The following PLIN1 variants were observed in gnomAD, a reference collection of about 807,000 sequenced individuals.
PLIN1 encodes the protein perilipin 1.
PLIN1 carries 37 observed loss-of-function variants against 45.8 expected under a neutral mutation model. The observed-to-expected ratio is 0.81, with a 90% CI of 0.62 to 1.06. The LOEUF (loss-of-function observed/expected upper bound fraction) is 1.06, where lower values mean the gene tolerates loss of function less well. PLIN1 is among the 50% of genes least tolerant of loss of function. The pLI is 0.00. For missense variants in PLIN1, 776 were observed against 716.5 expected, an observed-to-expected ratio of 1.08 and a Z score of -0.95; for synonymous variants, 340 against 309.2, an observed-to-expected ratio of 1.10 and a Z score of -1.05.
intron 1 of PLIN1, among the ~76,000 whole-genome samples, chr15:89,678,885 G>T (rs1481562660): frequency 1.3e-5 from 2 of 152,044 alleles, no homozygotes; most frequent in Non-Finnish European, 2.9e-5. Flanking sequence ...TCAATCTGTT[G>T]CCCAGGATGG....
intron 2 of PLIN1, chr15:89,677,049 G>T: frequency 3.5e-6 from 1 of 282,094 alleles, no homozygotes. Flanking sequence ...TCCGACAGGT[G>T]ACATTTGCCG....
chr15:89,676,877 T>G lies in PLIN1; in HGVS notation c.45+568A>C, dbSNP rs142591576. 7.0e-3 allele frequency: 1,113 copies of G among 159,192 alleles called. 14 individuals are homozygous for G. Among genetic ancestry groups the G allele is most frequent in the African/African-American group, 0.026 (1,064 of 41,686 alleles). The allele number at this position is 159,192 out of a possible 1,614,324, so 9.9% of individuals were successfully genotyped here. On this transcript the variant is annotated intron_variant, in intron 2 of 8. Transcript: ENST00000300055. The stretch of plus-strand genomic sequence containing the variant: ...AATTTTTAAGTTTCACTATCCGAAC[T>G]GTGCCCAAATCTGAGATGCCTTGCC...
intron 4 of PLIN1, 89 bp downstream of exon 4, chr15:89,671,392 AG>A: frequency 1.1e-6 from 1 of 934,928 alleles, no homozygotes; most frequent in Non-Finnish European, 1.7e-6. Flanking sequence ...ACAGACTTCC[AG>A]TCACGGCATC....
chr15:89,671,525 T>A lies in PLIN1; in HGVS notation c.290A>T (p.His97Leu). 1 of 1,576,710 alleles carries A rather than the reference T, an allele frequency of 6.3e-7. No homozygotes were observed. The change falls in exon 4 of 9, where the codon CAC (histidine) becomes CTC (leucine). Residue 97 changes from histidine to leucine, a missense_variant. Physicochemically the swap from His to Leu is moderately conservative, Grantham distance 99. Coordinates refer to ENST00000300055, the MANE Select transcript of PLIN1 (RefSeq NM_002666.5). ...GAGGGCGGGGATCTTTTCCTCCAGGTGGTCCAAGCCTCGGCAGGCCAGCTC... is the reference window on the plus strand; with the variant it reads ...GAGGGCGGGGATCTTTTCCTCCAGGAGGTCCAAGCCTCGGCAGGCCAGCTC... ...ANELACRGLD[H>L]LEEKIPALQY...
Position 89,667,008 on chromosome 15 carries a change from C to T in PLIN1, c.1137G>A (p.Arg379=), listed in dbSNP as rs1171644791. 3.1e-6 allele frequency: 5 copies of T among 1,614,114 alleles called. No homozygotes were observed. The change falls in exon 8 of 9, where the codon AGG becomes AGA. Residue 379 remains arginine, a synonymous_variant. Coordinates refer to ENST00000300055, the MANE Select transcript of PLIN1 (RefSeq NM_002666.5). ...PAPAVSSTKG[R]AMSLSDALKG... ...TCAGGGCATCTGATAGGGACATGGC[C>T]CTCCCCTTGGTTGAGGAGACAGCAG...
Position 89,677,059 on chromosome 15 carries a change from G to A in PLIN1, c.45+386C>T, listed in dbSNP as rs576207624. On this transcript the variant is annotated intron_variant, in intron 2 of 8. Coordinates refer to ENST00000300055, the MANE Select transcript of PLIN1 (RefSeq NM_002666.5). ...CTAACTCCGACAGGTGACATTTGCC[G>A]TTATGAATGATGCTGGAGACACAGA... The A allele has an allele frequency of 1.3e-4, 38 of 292,804 alleles. 1 individual carries two copies. The highest frequency in any genetic ancestry group is 2.8e-4 in the South Asian group (7 of 24,708). 18.1% of individuals were successfully genotyped at this position (292,804 alleles called of 1,614,324 possible). A position where few individuals can be genotyped will look rare whatever the true frequency, so the allele number is the denominator to read the frequency against.
chr15:89,666,312 C>G (rs1204084393), intron 8 of PLIN1, among the ~76,000 whole-genome samples: 1 of 151,890 alleles, frequency 6.6e-6, no homozygotes, highest in African/African-American at 2.4e-5. Flanking sequence ...GCAGGATGAA[C>G]AGGCGGGCTG....
At chr15:89,677,739 T>A (rs190340427) in intron 1 of PLIN1, 6 of 555,122 alleles carry the variant, frequency 1.1e-5, no homozygotes, top group African/African-American at 9.4e-5. Context: ...TCTTTCTTTT[T>A]CTTTTCTTTC....
intron 5 of PLIN1, 120 bp downstream of exon 5, chr15:89,669,860 C>A: frequency 1.8e-6 from 2 of 1,130,164 alleles, no homozygotes; most frequent in Non-Finnish European, 2.5e-6. Flanking sequence ...ATGAATCCAT[C>A]TGAAAATCCC....
chr15:89,671,519 T>C lies in PLIN1; in HGVS notation c.296A>G (p.Glu99Gly). 6.3e-7 allele frequency: 1 copy of C among 1,576,238 alleles called. No individual in the cohort carries two copies. The highest frequency in any genetic ancestry group is 8.6e-7 in the Non-Finnish European group (1 of 1,160,474). Residue 99 changes from glutamate (E) to glycine (G), a missense_variant, in exon 4 of 9, where the codon GAG (glutamate) becomes GGG (glycine). Coordinates refer to ENST00000300055, the MANE Select transcript of PLIN1 (RefSeq NM_002666.5). Reference sequence around the variant, plus strand: ...GTACTGGAGGGCGGGGATCTTTTCCTCCAGGTGGTCCAAGCCTCGGCAGGC... The same window carrying C: ...GTACTGGAGGGCGGGGATCTTTTCCCCCAGGTGGTCCAAGCCTCGGCAGGC... ...ELACRGLDHL[E>G]EKIPALQYPP...
At chr15:89,668,416 T>C (rs775258529) in intron 6 of PLIN1, among the ~76,000 whole-genome samples, 50 of 152,230 alleles carry the variant, frequency 3.3e-4, no homozygotes, top group Non-Finnish European at 5.9e-4. Flanking sequence ...AGTGCTCATT[T>C]CTGTTGGGTA....
At chr15:89,678,843 C>T (rs1964557481) in intron 1 of PLIN1, among the ~76,000 whole-genome samples, 1 of 152,090 alleles carries the variant, frequency 6.6e-6, no homozygotes, top group African/African-American at 2.4e-5. Flanking sequence ...GTCCCTCTCC[C>T]CCTCTCCCTA....
At chr15:89,668,592 C>T (rs894160) in intron 6 of PLIN1, among the ~76,000 whole-genome samples, 44,657 of 152,058 alleles carry the variant, frequency 0.29, 6,589 homozygotes, top group East Asian at 0.38. Flanking sequence ...CATTCTAAAC[C>T]TCTAGGGAGC....
intron 6 of PLIN1, among the ~76,000 whole-genome samples, chr15:89,668,067 CCT>C (rs1964382218): frequency 6.6e-6 from 1 of 152,212 alleles, no homozygotes; most frequent in African/African-American, 2.4e-5. Flanking sequence ...CCAAAGACTC[CCT>C]GTGTCCCCAC....
intron 3 of PLIN1, among the ~76,000 whole-genome samples, chr15:89,672,804 G>A (rs1298999624): frequency 1.3e-5 from 2 of 152,174 alleles, no homozygotes; most frequent in South Asian, 2.1e-4. Context: ...CGTGCCCTCC[G>A]GCCCTGCCAG....
intron 2 of PLIN1, among the ~76,000 whole-genome samples, chr15:89,676,153 C>A (rs920496015): frequency 6.6e-6 from 1 of 152,150 alleles, no homozygotes; most frequent in Non-Finnish European, 1.5e-5. Context: ...CTGACCTGTT[C>A]TGTTAGTAGG....
In PLIN1 at chr15:89,665,047, T is replaced by C. The variant is rs553668340; in HGVS notation, c.*536A>G. The C allele has an allele frequency of 3.2e-5, 13 of 412,434 alleles. No homozygotes were observed. Among genetic ancestry groups the C allele is most frequent in the Admixed American group, 1.4e-4 (5 of 36,382 alleles). The allele number at this position is 412,434 out of a possible 1,614,324, so 25.5% of individuals were successfully genotyped here. On this transcript the variant is annotated 3_prime_UTR_variant, in exon 9 of 9. Transcript: ENST00000300055. ...AACACCCAAGAGCTTTTGCATCTGA[T>C]TGTTCCCTTCAAAGTAGCCTGCTGG... is the stretch of plus-strand genomic sequence containing the variant.
At chr15:89,670,283 G>C in intron 4 of PLIN1, 39 bp from the exon 5 acceptor site, 1 of 1,594,524 alleles carries the variant, frequency 6.3e-7, no homozygotes, top group Non-Finnish European at 8.6e-7. Context: ...ATGTGGTCTT[G>C]CAGGCCCTAC....
In PLIN1 at chr15:89,669,272, C is replaced by G. The variant is rs1169418678; in HGVS notation, c.771+228G>C. 2.6e-5 allele frequency among the ~76,000 whole-genome samples: 4 copies of G among 152,248 alleles called. No homozygotes were observed. The East Asian group carries it at 5.8e-4, about 22-fold the overall frequency. On this transcript the variant is annotated intron_variant, in intron 6 of 8. Coordinates refer to ENST00000300055, the MANE Select transcript of PLIN1 (RefSeq NM_002666.5). ...GAGTGGTGGGGAAGGAGCACTCTAG[C>G]AAGGCAGGCCTGCCCTTGCTTAACA...
Sources: gnomAD v4.1 joint callset for allele counts (sites outside exome capture counted in the v4.1 genomes callset) on GRCh38, gnomAD v4.1.1 for gene constraint, MANE v1.5 for transcripts, NCBI Gene and HGNC (gene_info 2026-07-23, HGNC 2026-07-21) for gene names.